Variants in GRM8 observed in about 807,000 individuals in gnomAD.
GRM8 encodes the protein metabotropic glutamate receptor 8.
GRM8 carries 47 observed loss-of-function variants against 87.2 expected under a neutral mutation model. The observed-to-expected ratio is 0.54, with a 90% CI of 0.43 to 0.69. The LOEUF is 0.69. GRM8 is among the 30% of genes least tolerant of loss of function. The pLI is 0.00. For synonymous variants in GRM8, 396 were observed against 404.5 expected, an observed-to-expected ratio of 0.98 and a Z score of 0.25; for missense variants, 1,019 against 1,139.2, an observed-to-expected ratio of 0.89 and a Z score of 1.52.
intron 7 of GRM8, among the ~76,000 whole-genome samples, chr7:126,733,585 T>C (rs1813855141): frequency 6.6e-6 from 1 of 151,552 alleles, no homozygotes; most frequent in African/African-American, 2.4e-5. Flanking sequence ...AAAAACAATA[T>C]ACAGTATCAA....
At chr7:126,737,040 C>T (rs1464559185) in intron 7 of GRM8, among the ~76,000 whole-genome samples, 2 of 152,022 alleles carry the variant, frequency 1.3e-5, no homozygotes, top group Non-Finnish European at 2.9e-5. Flanking sequence ...TTTCTGAAAA[C>T]AAACCTCCTT....
At chr7:126,763,397 A>G (rs1563163508) in intron 7 of GRM8, among the ~76,000 whole-genome samples, 1 of 127,990 alleles carries the variant, frequency 7.8e-6, no homozygotes, top group Non-Finnish European at 1.8e-5. Flanking sequence ...ATAAAATGTT[A>G]TTTCCCAGTG....
At chr7:126,473,212 A>G in intron 9 of GRM8, among the ~76,000 whole-genome samples, 1 of 152,176 alleles carries the variant, frequency 6.6e-6, no homozygotes, top group East Asian at 1.9e-4. Context: ...GAAAAGCTGC[A>G]GACACTCAAT....
At chr7:126,708,261 T>C (rs1276405205) in intron 7 of GRM8, among the ~76,000 whole-genome samples, 2 of 151,972 alleles carry the variant, frequency 1.3e-5, no homozygotes, top group African/African-American at 4.8e-5. Flanking sequence ...AAAATGAAAC[T>C]TTTGTACATA....
At chr7:126,492,280 G>A (rs1399375029) in intron 9 of GRM8, among the ~76,000 whole-genome samples, 1 of 151,804 alleles carries the variant, frequency 6.6e-6, no homozygotes, top group East Asian at 1.9e-4. Flanking sequence ...CAAACTCCTG[G>A]ACTCAAGTGA....
intron 2 of GRM8, among the ~76,000 whole-genome samples, chr7:127,175,901 T>C (rs1018114163): frequency 6.6e-6 from 1 of 152,134 alleles, no homozygotes; most frequent in African/African-American, 2.4e-5. Flanking sequence ...CTCAAATCTA[T>C]GTAAAGGAAA....
At chr7:126,725,614 T>C (rs1164537952) in intron 7 of GRM8, among the ~76,000 whole-genome samples, 2 of 152,298 alleles carry the variant, frequency 1.3e-5, no homozygotes, top group East Asian at 1.9e-4. Context: ...CATTTAAATG[T>C]ACCTGTGTTA....
chr7:127,019,129 T>C (rs907571431), intron 3 of GRM8, among the ~76,000 whole-genome samples: 3 of 152,088 alleles, frequency 2.0e-5, no homozygotes, highest in African/African-American at 7.2e-5. Flanking sequence ...CTTTTTACAA[T>C]ATAGACACAG....
At chr7:127,246,338 T>A (rs533792879) in intron 1 of GRM8, among the ~76,000 whole-genome samples, 9 of 152,250 alleles carry the variant, frequency 5.9e-5, no homozygotes, top group African/African-American at 2.2e-4. Context: ...TCCAAATACC[T>A]CTATTGTATG....
intron 7 of GRM8, among the ~76,000 whole-genome samples, chr7:126,642,482 C>T (rs1802510058): frequency 6.6e-6 from 1 of 151,784 alleles, no homozygotes; most frequent in South Asian, 2.1e-4. Context: ...ACTAAAAATA[C>T]CAAAAACATT....
chr7:126,496,202 G>C (rs1025608112), intron 9 of GRM8, among the ~76,000 whole-genome samples: 2 of 151,780 alleles, frequency 1.3e-5, no homozygotes, highest in African/African-American at 4.8e-5. Flanking sequence ...AAAGGACAGA[G>C]AGAAAGGGAG....
intron 8 of GRM8, among the ~76,000 whole-genome samples, chr7:126,602,194 T>C (rs1337262761): frequency 2.1e-5 from 3 of 143,378 alleles, no homozygotes; most frequent in Non-Finnish European, 4.6e-5. Flanking sequence ...TAGGGAATCC[T>C]TTCCCCATTG....
intron 7 of GRM8, among the ~76,000 whole-genome samples, chr7:126,762,240 AT>A (rs202234322): frequency 1.5e-4 from 23 of 150,372 alleles, no homozygotes; most frequent in Admixed American, 4.0e-4. Context: ...ATAGGCATCT[AT>A]TTTTTTTTTC....
At chr7:126,763,332 T>C (rs1336343453) in intron 7 of GRM8, among the ~76,000 whole-genome samples, 1 of 150,514 alleles carries the variant, frequency 6.6e-6, no homozygotes, top group Non-Finnish European at 1.5e-5. Flanking sequence ...AAATGGATAA[T>C]ACTTTCTTAT....
chr7:127,081,769 T>G (rs751538960), intron 3 of GRM8, among the ~76,000 whole-genome samples: 2 of 152,310 alleles, frequency 1.3e-5, no homozygotes, highest in Admixed American at 6.5e-5. Context: ...AAAGCTTGTA[T>G]GAGATTGCCA....
chr7:127,111,135 T>A (rs925006337), intron 2 of GRM8: 1 of 152,190 alleles, frequency 6.6e-6, no homozygotes, highest in Non-Finnish European at 1.5e-5. Flanking sequence ...AGCTGAATTA[T>A]CTCGAACGCA....
chr7:127,030,910 C>T (rs1170507849), intron 3 of GRM8, among the ~76,000 whole-genome samples: 1 of 152,084 alleles, frequency 6.6e-6, no homozygotes, highest in Non-Finnish European at 1.5e-5. Context: ...GACCCACTGA[C>T]CATCTTGGCT....
At chr7:126,845,402 T>C (rs1364965943) in intron 6 of GRM8, among the ~76,000 whole-genome samples, 1 of 152,220 alleles carries the variant, frequency 6.6e-6, no homozygotes, top group Non-Finnish European at 1.5e-5. Flanking sequence ...CAATGCTAGA[T>C]GCCTTAGCTC....
intron 3 of GRM8, among the ~76,000 whole-genome samples, chr7:126,936,602 G>T (rs1806354310): frequency 6.6e-6 from 1 of 152,112 alleles, no homozygotes; most frequent in Non-Finnish European, 1.5e-5. Context: ...GGCCAATAAG[G>T]TATAACTAGG....
Sources: allele counts gnomAD v4.1 joint callset (sites outside exome capture counted in the v4.1 genomes callset), GRCh38; gene constraint gnomAD v4.1.1; transcripts MANE v1.5; gene names NCBI Gene and HGNC (gene_info 2026-07-23, HGNC 2026-07-21).